TMED7: variants seen among roughly 807,000 people sequenced by gnomAD.
TMED7 encodes transmembrane emp24 domain-containing protein 7.
TMED7 carries 8 observed loss-of-function variants against 23.4 expected under a neutral mutation model. The ratio of observed to expected loss-of-function variants is 0.34; its 90% CI spans 0.20 to 0.62. TMED7 has a LOEUF of 0.62. Ranked by LOEUF, TMED7 falls within the 20% of genes least tolerant of loss-of-function variation. The probability of loss-of-function intolerance (pLI) is 0.77; values close to 1 mark genes in which losing one functional copy is unlikely to be tolerated. For missense variants in TMED7, 232 were observed against 279.1 expected, an observed-to-expected ratio of 0.83 and a Z score of 1.20; for synonymous variants, 121 against 108.5, an observed-to-expected ratio of 1.12 and a Z score of -0.72.
intron 1 of TMED7, among the ~76,000 whole-genome samples, chr5:115,622,951 A>T (rs1757083950): frequency 6.6e-6 from 1 of 152,212 alleles, no homozygotes; most frequent in Non-Finnish European, 1.5e-5. Context: ...AGTGTTTGCA[A>T]ATCTACAGTT....
In TMED7 at chr5:115,625,621, T is replaced by C; in HGVS notation, c.172A>G (p.Lys58Glu). ...GATACCTGGAACTCCAGGGTGCACT[T>C]GGTGCCCTGAGCGATGTCCTCGTAG... ...CFYEDIAQGT[K>E]CTLEFQVITG... The change falls in exon 1 of 3, where the codon AAG becomes GAG. Residue 58 changes from lysine (K) to glutamate (E), a missense_variant. Lys to Glu is a moderately conservative substitution (Grantham distance 56). Coordinates refer to ENST00000456936, the MANE Select transcript of TMED7 (RefSeq NM_181836.6). 6.3e-7 allele frequency: 1 copy of C among 1,593,380 alleles called. No individual in the cohort carries two copies. The highest frequency in any genetic ancestry group is 8.5e-7 in the Non-Finnish European group (1 of 1,170,526).
chr5:115,624,562 T>C (rs1206650138), intron 1 of TMED7, among the ~76,000 whole-genome samples: 1 of 152,218 alleles, frequency 6.6e-6, no homozygotes, highest in Non-Finnish European at 1.5e-5. Context: ...AACCCTCTGA[T>C]GGCTTCCTAC....
In TMED7 at chr5:115,614,838, A is replaced by G. The variant is rs140602104; in HGVS notation, c.*1371T>C. On this transcript the variant is annotated 3_prime_UTR_variant, in exon 3 of 3. Coordinates refer to ENST00000456936, the MANE Select transcript of TMED7 (RefSeq NM_181836.6). ...AGTATTCTATGGTATCACATACCAA[A>G]GTCTCTACAATATGACAGTCTTGTC... 41 of 152,152 alleles carry G rather than the reference A, an allele frequency of 2.7e-4. 1 individual carries two copies. Among genetic ancestry groups the G allele is most frequent in the African/African-American group, 9.1e-4 (38 of 41,540 alleles). 9.4% of individuals were successfully genotyped at this position (152,152 alleles called of 1,614,324 possible).
At chr5:115,618,083 C>T (rs1337968686) in intron 2 of TMED7, among the ~76,000 whole-genome samples, 2 of 152,184 alleles carry the variant, frequency 1.3e-5, no homozygotes, top group South Asian at 2.1e-4. Flanking sequence ...TAAGCCACCA[C>T]GCCTGGCCTG....
rs1315305854 is a variant in TMED7, at chr5:115,616,341, A to C, written c.543T>G (p.Asp181Glu). 1 of 1,614,064 alleles carries C rather than the reference A, an allele frequency of 6.2e-7. No individual in the cohort carries two copies. Among genetic ancestry groups the C allele is most frequent in the East Asian group, 2.2e-5 (1 of 44,896 alleles). ...ACCAATAGGCCACTCTTGTATTTAG[A>C]TCCTCTGCTCGGCTTCGGCCTTGAG... ...REAQGRSRAE[D>E]LNTRVAYWSV... The change falls in exon 3 of 3, where the codon GAT becomes GAG. Residue 181 changes from aspartate (D) to glutamate (E), a missense_variant. Physicochemically the swap from Asp to Glu is conservative, Grantham distance 45. This residue lies in a region of TMED7 where 126 missense variants were observed against 182.1 expected (regional missense o/e 0.69). Coordinates refer to ENST00000456936, the MANE Select transcript of TMED7 (RefSeq NM_181836.6).
At chr5:115,625,553 A>G (rs190099998) in intron 1 of TMED7, 48 bp downstream of exon 1, 1 of 1,476,174 alleles carries the variant, frequency 6.8e-7, no homozygotes, top group Non-Finnish European at 9.0e-7. Context: ...TACACCCCCA[A>G]TCCTGGAGCC....
At chr5:115,619,447 A>T (rs1222150908) in intron 2 of TMED7, among the ~76,000 whole-genome samples, 1 of 152,170 alleles carries the variant, frequency 6.6e-6, no homozygotes, top group African/African-American at 2.4e-5. Flanking sequence ...TAAGTGGTAA[A>T]TAATTCTTTT....
At chr5:115,617,842 G>A (rs552978528) in intron 2 of TMED7, among the ~76,000 whole-genome samples, 5 of 152,308 alleles carry the variant, frequency 3.3e-5, no homozygotes, top group African/African-American at 7.2e-5. Flanking sequence ...CACCCAGGCT[G>A]GAGTGCAATG....
chr5:115,620,314 A>G (rs986057378), intron 2 of TMED7, 121 bp downstream of exon 2: 38 of 1,275,586 alleles, frequency 3.0e-5, no homozygotes, highest in Non-Finnish European at 3.5e-5. Flanking sequence ...AAGAATTAAG[A>G]TAGATTTTAA....
rs1426661799 is a variant in TMED7 at position 115,625,634 on chromosome 5, G to A, written c.159C>T (p.Ile53=). 1 of 1,600,418 alleles carries A rather than the reference G, an allele frequency of 6.2e-7. No individual in the cohort carries two copies. The highest frequency in any genetic ancestry group is 8.5e-7 in the Non-Finnish European group (1 of 1,173,988). ...CCAGGGTGCACTTGGTGCCCTGAGC[G>A]ATGTCCTCGTAGAAGCACTGCTTGG... ...DNAKQCFYED[I]AQGTKCTLEF... The change falls in exon 1 of 3, where the codon ATC becomes ATT. Residue 53 remains isoleucine (I), a synonymous_variant. Coordinates refer to ENST00000456936, the MANE Select transcript of TMED7 (RefSeq NM_181836.6).
chr5:115,618,642 T>C (rs1422202830), intron 2 of TMED7, among the ~76,000 whole-genome samples: 2 of 152,188 alleles, frequency 1.3e-5, no homozygotes, highest in Non-Finnish European at 2.9e-5. Context: ...GGAATTCAGG[T>C]GCAATGTTCT....
chr5:115,621,033 T>C (rs1405412228), intron 1 of TMED7, among the ~76,000 whole-genome samples: 2 of 152,180 alleles, frequency 1.3e-5, no homozygotes, highest in African/African-American at 2.4e-5. Flanking sequence ...AGACTGTTCA[T>C]CTAAATTAAG....
At chr5:115,619,818 G>T (rs756062287) in intron 2 of TMED7, among the ~76,000 whole-genome samples, 6 of 152,088 alleles carry the variant, frequency 3.9e-5, no homozygotes, top group Non-Finnish European at 8.8e-5. Flanking sequence ...AAATAAAACA[G>T]TCCTCATCAC....
chr5:115,619,391 A>C (rs962295618), intron 2 of TMED7, among the ~76,000 whole-genome samples: 5 of 152,192 alleles, frequency 3.3e-5, no homozygotes, highest in Non-Finnish European at 7.4e-5. Flanking sequence ...CAAGAGACTA[A>C]ATAGAACCTG....
chr5:115,620,612 T>C lies in TMED7; in HGVS notation c.261A>G (p.Lys87=). Residue 87 remains lysine (K), a synonymous_variant, in exon 2 of 3, where the codon AAA becomes AAG. Coordinates refer to ENST00000456936, the MANE Select transcript of TMED7 (RefSeq NM_181836.6). ...LEDPDGKVLY[K]EMKKQYDSFT... is the part of the protein sequence containing the mutation. ...AACTATCATACTGTTTCTTCATCTC[T>C]TTGTATAACACTTTACCATCAGGAT... 1 of 1,599,972 alleles carries C rather than the reference T, an allele frequency of 6.3e-7. No homozygotes were observed. Among genetic ancestry groups the C allele is most frequent in the South Asian group, 1.1e-5 (1 of 88,328 alleles).
At chr5:115,623,856 C>G (rs1204611558) in intron 1 of TMED7, among the ~76,000 whole-genome samples, 1 of 152,184 alleles carries the variant, frequency 6.6e-6, no homozygotes, top group Admixed American at 6.5e-5. Context: ...TCTGTGTAAG[C>G]TCTCTGAGAT....
chr5:115,621,704 T>G (rs1323251037), intron 1 of TMED7, among the ~76,000 whole-genome samples: 1 of 152,138 alleles, frequency 6.6e-6, no homozygotes, highest in Non-Finnish European at 1.5e-5. Flanking sequence ...GAGAAAGGCT[T>G]CCTTACATGA....
intron 2 of TMED7, among the ~76,000 whole-genome samples, chr5:115,619,901 G>C (rs1756961904): frequency 1.3e-5 from 2 of 152,120 alleles, no homozygotes; most frequent in Admixed American, 1.3e-4. Flanking sequence ...TCTGAATTTA[G>C]CTTTTGTAAC....
chr5:115,622,681 C>T (rs184998798), intron 1 of TMED7, among the ~76,000 whole-genome samples: 13 of 152,286 alleles, frequency 8.5e-5, no homozygotes, highest in Admixed American at 3.3e-4. Context: ...TTTCCTCATT[C>T]CCCATTGAGC....
Sources: gnomAD v4.1 joint callset for allele counts (sites outside exome capture counted in the v4.1 genomes callset) on GRCh38, gnomAD v4.1.1 for gene constraint, gnomAD v4.1.1 regional missense constraint, MANE v1.5 for transcripts, NCBI Gene and HGNC (gene_info 2026-07-23, HGNC 2026-07-21) for gene names.